The following ATP8B4 variants were observed in gnomAD, a reference collection of about 807,000 sequenced individuals.
The protein encoded by ATP8B4 is probable phospholipid-transporting ATPase IM.
In ATP8B4, 133 loss-of-function variants were observed where a neutral mutation model predicts 145.6. That is an observed-to-expected ratio of 0.91 (90% CI 0.79 to 1.05). The LOEUF is 1.05. ATP8B4 is among the 50% of genes least tolerant of loss of function. The probability of loss-of-function intolerance (pLI) is 0.00; values close to 1 mark genes in which losing one functional copy is unlikely to be tolerated. For synonymous variants in ATP8B4, 507 were observed against 492.9 expected (o/e 1.03, Z -0.38); for missense variants, 1,458 against 1,425.2 (o/e 1.02, Z -0.37).
intron 2 of ATP8B4, among the ~76,000 whole-genome samples, chr15:50,095,867 A>G (rs747761577): frequency 6.6e-6 from 1 of 152,234 alleles, no homozygotes; most frequent in Non-Finnish European, 1.5e-5. Context: ...ACAGATTTTC[A>G]AAGTAGAAAT....
chr15:50,173,016 C>CCGCCCCCGTCCGGG (rs1422848532), intron 1 of ATP8B4, among the ~76,000 whole-genome samples: 2 of 144,770 alleles, frequency 1.4e-5, no homozygotes, highest in African/African-American at 5.2e-5. Flanking sequence ...AGGTGGGGGG[C>CCGCCCCCGTCCGGG]AGCCCCCATC....
At chr15:50,055,047 C>T (rs777355256) in intron 3 of ATP8B4, among the ~76,000 whole-genome samples, 10 of 152,124 alleles carry the variant, frequency 6.6e-5, no homozygotes, top group East Asian at 3.9e-4. Context: ...ACATAAACTA[C>T]GTCAATTCTG....
At chr15:50,097,272 C>A (rs1239583811) in intron 2 of ATP8B4, among the ~76,000 whole-genome samples, 1 of 152,034 alleles carries the variant, frequency 6.6e-6, no homozygotes, top group Non-Finnish European at 1.5e-5. Flanking sequence ...TTTTTTATCA[C>A]CCTCTATCAA....
At chr15:50,114,946 G>T (rs936139368) in intron 1 of ATP8B4, among the ~76,000 whole-genome samples, 1 of 152,174 alleles carries the variant, frequency 6.6e-6, no homozygotes, top group East Asian at 1.9e-4. Flanking sequence ...CATGGGCTGG[G>T]CATGAGGGAG....
Position 50,002,145 on chromosome 15 carries a change from T to G in ATP8B4, c.506+8A>C. ...ACCAACCAAATTATTCTAATTTTAA[T>G]AACTTACCCATCAAGCTCAGCAGTT... is the stretch of plus-strand genomic sequence containing the variant. On this transcript the variant is annotated splice_region_variant and intron_variant, in intron 8 of 27. Transcript: ENST00000284509. The G allele has an allele frequency of 6.3e-7, 1 of 1,595,480 alleles. No individual in the cohort carries two copies. The highest frequency in any genetic ancestry group is 8.6e-7 in the Non-Finnish European group (1 of 1,165,616).
chr15:49,872,760 A>T lies in ATP8B4; in HGVS notation c.3027+3518T>A, dbSNP rs189158269. On this transcript the variant is annotated intron_variant, in intron 25 of 27. Transcript: ENST00000284509. ...CAGAGATGGGAGGAGACTAAGGAAC[A>T]TGACCACTAAATTCAATGTGGGATC... Among the ~76,000 whole-genome samples the T allele has an allele frequency of 3.0e-3, 453 of 152,304 alleles. 3 individuals carry two copies. Among genetic ancestry groups the T allele is most frequent in the African/African-American group, 0.01 (436 of 41,568 alleles).
intron 1 of ATP8B4, among the ~76,000 whole-genome samples, chr15:50,118,031 C>T (rs2057204779): frequency 6.6e-6 from 1 of 151,980 alleles, no homozygotes; most frequent in East Asian, 1.9e-4. Context: ...TGAAGGTAGG[C>T]TGGTTAATGG....
intron 10 of ATP8B4, among the ~76,000 whole-genome samples, chr15:49,981,986 G>A (rs555035463): frequency 6.6e-6 from 1 of 152,244 alleles, no homozygotes; most frequent in South Asian, 2.1e-4. Context: ...AAACAAATAA[G>A]AATATTGAAA....
Position 49,923,397 on chromosome 15 carries a change from C to G in ATP8B4, c.1740G>C (p.Leu580Phe). The G allele has an allele frequency of 1.2e-6, 2 of 1,611,822 alleles. No individual in the cohort carries two copies. The highest frequency in any genetic ancestry group is 1.7e-6 in the Non-Finnish European group (2 of 1,178,098). ...CACTTACACTGAGGTGGTCTGACGT[C>G]AAAGACAAAAGGACTTCATTGGAAG... The part of the protein sequence containing the change: ...LHPSNEVLLS[L>F]TSDHLSEFAG... Residue 580 changes from leucine to phenylalanine, a missense_variant, in exon 17 of 28, where the codon TTG becomes TTC. Physicochemically the swap from Leu to Phe is conservative, Grantham distance 22. Transcript: ENST00000284509.
intron 13 of ATP8B4, among the ~76,000 whole-genome samples, chr15:49,968,397 C>A (rs1271005959): frequency 1.4e-5 from 2 of 147,686 alleles, no homozygotes; most frequent in African/African-American, 5.1e-5. Flanking sequence ...TGCAAAGACA[C>A]ACATAGGCTC....
intron 23 of ATP8B4, chr15:49,895,877 T>G (rs573759252): frequency 5.9e-5 from 9 of 152,372 alleles, no homozygotes; most frequent in African/African-American, 2.2e-4. Context: ...CTGACTACTC[T>G]TCTGTGTTCT....
intron 17 of ATP8B4, chr15:49,922,414 G>T (rs1292025947): frequency 2.2e-6 from 1 of 446,604 alleles, no homozygotes; most frequent in African/African-American, 2.0e-5. Flanking sequence ...TCCTGGAAAA[G>T]ATTAAAAGAA....
chr15:49,902,413 C>T (rs894265217), intron 20 of ATP8B4: 2 of 152,124 alleles, frequency 1.3e-5, no homozygotes, highest in African/African-American at 4.8e-5. Context: ...AATGTAACAC[C>T]AATTGTTTAC....
At chr15:50,088,371 CA>C (rs890744627) in intron 2 of ATP8B4, among the ~76,000 whole-genome samples, 1 of 151,110 alleles carries the variant, frequency 6.6e-6, no homozygotes, top group African/African-American at 2.5e-5. Context: ...AACAAACAAA[CA>C]AAAAAACCCT....
intron 14 of ATP8B4, among the ~76,000 whole-genome samples, chr15:49,959,077 T>C (rs908192539): frequency 3.9e-5 from 6 of 151,918 alleles, no homozygotes; most frequent in Non-Finnish European, 7.4e-5. Context: ...AAATAAAGCA[T>C]TAGTAAATAG....
intron 10 of ATP8B4, among the ~76,000 whole-genome samples, chr15:49,983,564 C>T (rs1041845594): frequency 2.6e-5 from 4 of 152,148 alleles, no homozygotes; most frequent in Non-Finnish European, 5.9e-5. Flanking sequence ...TCCACTCTGC[C>T]CCCAAAACTA....
chr15:49,891,483 G>A (rs1013244991), intron 23 of ATP8B4, among the ~76,000 whole-genome samples: 1 of 151,856 alleles, frequency 6.6e-6, no homozygotes, highest in South Asian at 2.1e-4. Context: ...GCTCCACCCC[G>A]TCCAGCTATT....
intron 5 of ATP8B4, among the ~76,000 whole-genome samples, chr15:50,042,154 TAAA>T (rs34554435): frequency 1.5e-5 from 2 of 134,864 alleles, no homozygotes; most frequent in Non-Finnish European, 1.6e-5. Context: ...GACTCTGTCT[TAAA>T]AAAAAAAAAA....
chr15:50,173,797 C>A (rs183428204), intron 1 of ATP8B4, among the ~76,000 whole-genome samples: 132 of 152,166 alleles, frequency 8.7e-4, no homozygotes, highest in African/African-American at 3.1e-3. Flanking sequence ...TTCTATGAAG[C>A]CAGCATCACC....
Sources: allele counts gnomAD v4.1 joint callset (sites outside exome capture counted in the v4.1 genomes callset), GRCh38; gene constraint gnomAD v4.1.1; transcripts MANE v1.5; gene names NCBI Gene and HGNC (gene_info 2026-07-23, HGNC 2026-07-21).